Variants in FYN observed in about 807,000 individuals in gnomAD.
FYN encodes the protein FYN proto-oncogene, Src family tyrosine kinase.
A neutral mutation model predicts 70.2 loss-of-function variants in FYN; 10 were observed. That is an observed-to-expected ratio of 0.14 (90% CI 0.09 to 0.24). The LOEUF is 0.24. FYN is among the 10% of genes least tolerant of loss of function. FYN has a pLI of 1.00. For missense variants in FYN, 319 were observed against 673.1 expected (o/e 0.47, Z 5.82); for synonymous variants, 236 against 248.6 (o/e 0.95, Z 0.48).
Position 111,661,216 on chromosome 6 carries a change from A to G in FYN, c.*523T>C, listed in dbSNP as rs1011898435. 6.6e-6 allele frequency: 1 copy of G among 152,446 alleles called. No individual in the cohort carries two copies. Among genetic ancestry groups the G allele is most frequent in the African/African-American group, 2.4e-5 (1 of 41,418 alleles). 9.4% of individuals were successfully genotyped at this position (152,446 alleles called of 1,614,324 possible). On this transcript the variant is annotated 3_prime_UTR_variant, in exon 14 of 14. Coordinates refer to ENST00000354650, the MANE Select transcript of FYN (RefSeq NM_002037.5). This position sits in a 1 kb window ranked among gnomAD's most constrained non-coding sequence, Gnocchi z 4.0. ...ATTAGCACCCACATTGTATATGTAC[A>G]GGGACATATATATTATATATATTCA...
chr6:111,704,612 G>A (rs706865), intron 6 of FYN, among the ~76,000 whole-genome samples: 1 of 152,022 alleles, frequency 6.6e-6, no homozygotes, highest in Non-Finnish European at 1.5e-5. Context: ...AAATTAGCTT[G>A]GTGTGGTGGT....
intron 3 of FYN, among the ~76,000 whole-genome samples, chr6:111,766,187 A>G (rs893326887): frequency 1.3e-5 from 2 of 152,240 alleles, no homozygotes; most frequent in Non-Finnish European, 2.9e-5. Flanking sequence ...CATTTTGGAC[A>G]TGAGAAAGTT....
chr6:111,749,364 A>G (rs1802386267), intron 3 of FYN, among the ~76,000 whole-genome samples: 1 of 152,196 alleles, frequency 6.6e-6, no homozygotes, highest in Non-Finnish European at 1.5e-5. Flanking sequence ...CCCTACGGAA[A>G]AGAGGATGCT....
At chr6:111,769,505 G>A (rs1037378692) in intron 3 of FYN, among the ~76,000 whole-genome samples, 2 of 152,144 alleles carry the variant, frequency 1.3e-5, no homozygotes, top group African/African-American at 4.8e-5. Flanking sequence ...AACCTTTACT[G>A]ATATTTCATT....
At chr6:111,729,097 T>C (rs1340236090) in intron 3 of FYN, among the ~76,000 whole-genome samples, 1 of 152,120 alleles carries the variant, frequency 6.6e-6, no homozygotes. Context: ...TGAATATGAC[T>C]CTCTTACATT....
Position 111,661,570 on chromosome 6 carries a change from G to C in FYN, c.*169C>G. The C allele has an allele frequency of 1.6e-6, 1 of 626,060 alleles. No individual in the cohort carries two copies. Among genetic ancestry groups the C allele is most frequent in the South Asian group, 2.0e-5 (1 of 50,040 alleles). The allele number at this position is 626,060 out of a possible 1,614,324, so 38.8% of individuals were successfully genotyped here. On this transcript the variant is annotated 3_prime_UTR_variant, in exon 14 of 14. Coordinates refer to ENST00000354650, the MANE Select transcript of FYN (RefSeq NM_002037.5). The surrounding 1 kb of genome is among the most constrained non-coding windows in gnomAD (Gnocchi z 4.0). ...GCTTCACAGAGGAGGTTCGGATTTGGGGACAAGTGTCATTAATGAGGGCCA... is the reference window on the plus strand; with the variant it reads ...GCTTCACAGAGGAGGTTCGGATTTGCGGACAAGTGTCATTAATGAGGGCCA...
chr6:111,774,806 C>T (rs1286616161), intron 3 of FYN, among the ~76,000 whole-genome samples: 2 of 152,110 alleles, frequency 1.3e-5, no homozygotes, highest in East Asian at 3.9e-4. Context: ...GCAACCTCCA[C>T]CTCCCAGGTT....
At chr6:111,801,549 G>T (rs1319770984) in intron 2 of FYN, among the ~76,000 whole-genome samples, 2 of 152,188 alleles carry the variant, frequency 1.3e-5, no homozygotes, top group Non-Finnish European at 2.9e-5. Flanking sequence ...AAATTCAACA[G>T]AACTTCCGTA....
At chr6:111,733,222 G>A (rs1801549077) in intron 3 of FYN, among the ~76,000 whole-genome samples, 1 of 152,066 alleles carries the variant, frequency 6.6e-6, no homozygotes. Flanking sequence ...CTTATTTTCT[G>A]CTTGACCTTT....
intron 12 of FYN, among the ~76,000 whole-genome samples, chr6:111,681,564 G>T (rs1026906302): frequency 1.3e-5 from 2 of 152,046 alleles, no homozygotes; most frequent in Non-Finnish European, 2.9e-5. Context: ...CTTTTACATT[G>T]GCTTTGGAAA....
intron 12 of FYN, among the ~76,000 whole-genome samples, chr6:111,684,312 C>T (rs7745067): frequency 0.024 from 3,708 of 152,138 alleles, 138 homozygotes; most frequent in African/African-American, 0.085. Context: ...TGAGTGGAAT[C>T]CATGGAAGGA....
At chr6:111,703,778 C>T (rs1168131683) in intron 7 of FYN, among the ~76,000 whole-genome samples, 1 of 152,124 alleles carries the variant, frequency 6.6e-6, no homozygotes, top group Non-Finnish European at 1.5e-5. Flanking sequence ...GCATCCAGCC[C>T]GTTTCAGGAG....
chr6:111,719,535 T>C (rs1800834198), intron 4 of FYN: 2 of 332,424 alleles, frequency 6.0e-6, no homozygotes, highest in Non-Finnish European at 1.1e-5. Context: ...TGACCTACAG[T>C]GCCTCAGTAG....
intron 13 of FYN, among the ~76,000 whole-genome samples, chr6:111,667,156 C>T (rs977407674): frequency 6.6e-5 from 10 of 152,124 alleles, no homozygotes; most frequent in African/African-American, 2.2e-4. Flanking sequence ...GTTTTCTTTT[C>T]CCTTTTCTTT....
intron 2 of FYN, chr6:111,818,828 A>T (rs1772570498): frequency 6.6e-6 from 1 of 152,222 alleles, no homozygotes; most frequent in African/African-American, 2.4e-5. Context: ...CTTGATTTAC[A>T]AGCATCATTT....
At chr6:111,709,831 T>A (rs1175768406) in intron 5 of FYN, among the ~76,000 whole-genome samples, 1 of 152,208 alleles carries the variant, frequency 6.6e-6, no homozygotes, top group Non-Finnish European at 1.5e-5. Context: ...TCCCCTATTG[T>A]AAGCACCCCT....
chr6:111,817,577 C>T (rs1242569070), intron 2 of FYN, among the ~76,000 whole-genome samples: 5 of 152,166 alleles, frequency 3.3e-5, no homozygotes, highest in African/African-American at 1.2e-4. Context: ...CCCTTCTGAA[C>T]CCAGCCTTGT....
intron 12 of FYN, among the ~76,000 whole-genome samples, chr6:111,692,841 T>C (rs900636751): frequency 1.3e-5 from 2 of 152,328 alleles, no homozygotes; most frequent in South Asian, 2.1e-4. Flanking sequence ...TCAGGTCCTC[T>C]CGGCTCACCT....
In FYN at chr6:111,696,460, C is replaced by A; in HGVS notation, c.863-4G>T. The stretch of plus-strand genomic sequence containing the variant: ...TTTGTGTTTCCATTCCAGGTACCTA[C>A]AAACATCCCAGAATATGAAGTCAAA... On this transcript the variant is annotated splice_polypyrimidine_tract_variant and splice_region_variant and intron_variant, in intron 9 of 13. Transcript: ENST00000354650. 6.3e-7 allele frequency: 1 copy of A among 1,590,328 alleles called. No individual in the cohort carries two copies. The highest frequency in any genetic ancestry group is 8.6e-7 in the Non-Finnish European group (1 of 1,165,696).
Sources: allele counts gnomAD v4.1 joint callset (sites outside exome capture counted in the v4.1 genomes callset), GRCh38; gene constraint gnomAD v4.1.1; non-coding constraint Gnocchi (gnomAD v3.1); transcripts MANE v1.5; gene names NCBI Gene and HGNC (gene_info 2026-07-23, HGNC 2026-07-21).